The following NMNAT2 variants were observed in gnomAD, a reference collection of about 807,000 sequenced individuals.
NMNAT2 encodes nicotinamide/nicotinic acid mononucleotide adenylyltransferase 2.
In NMNAT2, 11 loss-of-function variants were observed where a neutral mutation model predicts 41.6. That is an observed-to-expected ratio of 0.26 (90% CI 0.17 to 0.44). The LOEUF is 0.44. Ranked by LOEUF, NMNAT2 falls within the 20% of genes least tolerant of loss-of-function variation. The pLI, the probability that NMNAT2 is intolerant of heterozygous loss-of-function variation, is 1.00. For missense variants in NMNAT2, 288 were observed against 407.7 expected, an observed-to-expected ratio of 0.71 and a Z score of 2.53; for synonymous variants, 148 against 151.2, an observed-to-expected ratio of 0.98 and a Z score of 0.16.
intron 1 of NMNAT2, among the ~76,000 whole-genome samples, chr1:183,379,357 T>G (rs1663753602): frequency 1.3e-5 from 2 of 151,990 alleles, no homozygotes; most frequent in South Asian, 4.2e-4. Context: ...ATTATTTTGT[T>G]TTTTGTAGAG....
intron 10 of NMNAT2, among the ~76,000 whole-genome samples, chr1:183,253,268 ATAT>A (rs1301402188): frequency 1.4e-5 from 2 of 147,828 alleles, no homozygotes; most frequent in Non-Finnish European, 3.0e-5. Context: ...ATATTATACT[ATAT>A]TATATTATTT....
At chr1:183,259,594 C>A (rs1449599713) in intron 10 of NMNAT2, among the ~76,000 whole-genome samples, 2 of 152,076 alleles carry the variant, frequency 1.3e-5, no homozygotes, top group Non-Finnish European at 2.9e-5. Flanking sequence ...CTTGTCCACA[C>A]CTATAATTTT....
intron 1 of NMNAT2, 92 bp downstream of exon 1, chr1:183,418,091 C>T: frequency 1.6e-6 from 2 of 1,236,950 alleles, no homozygotes; most frequent in East Asian, 2.3e-5. Context: ...CGAAGGGGCA[C>T]ACGCCTTCCC....
intron 1 of NMNAT2, among the ~76,000 whole-genome samples, chr1:183,367,420 T>C (rs971248811): frequency 2.6e-5 from 4 of 152,196 alleles, no homozygotes; most frequent in African/African-American, 9.7e-5. Context: ...ATCGTGCCAT[T>C]GTACTCCAGC....
At chr1:183,366,842 T>C (rs753240666) in intron 1 of NMNAT2, among the ~76,000 whole-genome samples, 3 of 152,130 alleles carry the variant, frequency 2.0e-5, no homozygotes, top group Non-Finnish European at 2.9e-5. Context: ...TGCATGCTAT[T>C]ACTCAAAATA....
At chr1:183,313,098 A>G (rs1328004442) in intron 1 of NMNAT2, among the ~76,000 whole-genome samples, 1 of 123,638 alleles carries the variant, frequency 8.1e-6, no homozygotes, top group Non-Finnish European at 1.7e-5. Context: ...CCCAGCCCCC[A>G]TCCCCTCCTC....
chr1:183,389,814 A>AGGGAGGGAGGG (rs1557897688), intron 1 of NMNAT2, among the ~76,000 whole-genome samples: 7 of 84,730 alleles, frequency 8.3e-5, no homozygotes, highest in Non-Finnish European at 1.3e-4. Context: ...GAAAGAAAGA[A>AGGGAGGGAGGG]AGAAAGAAAG....
chr1:183,392,783 C>A (rs1204145443), intron 1 of NMNAT2, among the ~76,000 whole-genome samples: 1 of 152,214 alleles, frequency 6.6e-6, no homozygotes, highest in Non-Finnish European at 1.5e-5. Context: ...CTAAATCCTT[C>A]ATCTCCTTCA....
intron 8 of NMNAT2, among the ~76,000 whole-genome samples, chr1:183,272,013 A>G (rs960599582): frequency 6.6e-5 from 10 of 152,206 alleles, no homozygotes; most frequent in Admixed American, 5.2e-4. Context: ...TCAGCTTCCC[A>G]AAATGCTGGG....
intron 8 of NMNAT2, among the ~76,000 whole-genome samples, chr1:183,277,008 C>G (rs1356158739): frequency 2.0e-5 from 3 of 152,130 alleles, no homozygotes; most frequent in African/African-American, 7.2e-5. Context: ...CCTTACATAG[C>G]TTTGTGTGTA....
At chr1:183,398,977 C>T (rs563632523) in intron 1 of NMNAT2, among the ~76,000 whole-genome samples, 1 of 152,238 alleles carries the variant, frequency 6.6e-6, no homozygotes, top group South Asian at 2.1e-4. Flanking sequence ...CTAAAATTGA[C>T]AACCTAACAT....
intron 1 of NMNAT2, among the ~76,000 whole-genome samples, chr1:183,332,484 ACATAGACTGGAAC>A (rs1662605391): frequency 6.6e-6 from 1 of 152,236 alleles, no homozygotes; most frequent in South Asian, 2.1e-4. Flanking sequence ...GTACTCAGTC[ACATAGACTGGAAC>A]CAAAGAGAGG....
chr1:183,278,314 T>C (rs1321089692), intron 8 of NMNAT2, among the ~76,000 whole-genome samples: 1 of 152,164 alleles, frequency 6.6e-6, no homozygotes, highest in Non-Finnish European at 1.5e-5. Flanking sequence ...CTAGATACTG[T>C]ATGACTCAGC....
At chr1:183,360,386 C>T (rs1189163507) in intron 1 of NMNAT2, among the ~76,000 whole-genome samples, 2 of 152,100 alleles carry the variant, frequency 1.3e-5, no homozygotes, top group Non-Finnish European at 2.9e-5. Flanking sequence ...CATTCCTCAC[C>T]GAGAAAGATA....
chr1:183,388,112 T>G (rs1387706395), intron 1 of NMNAT2, among the ~76,000 whole-genome samples: 1 of 152,180 alleles, frequency 6.6e-6, no homozygotes, highest in Non-Finnish European at 1.5e-5. Context: ...ATAAAGAAAC[T>G]ACAGCCCAGG....
At chr1:183,321,485 A>G (rs1341343015) in intron 1 of NMNAT2, among the ~76,000 whole-genome samples, 2 of 152,332 alleles carry the variant, frequency 1.3e-5, no homozygotes, top group East Asian at 3.9e-4. Context: ...TCACACCTGT[A>G]ATCCCAGCAC....
intron 1 of NMNAT2, among the ~76,000 whole-genome samples, chr1:183,338,149 TAA>T (rs59064477): frequency 8.3e-5 from 8 of 96,404 alleles, no homozygotes; most frequent in South Asian, 4.3e-4. Context: ...CCCATCTCTT[TAA>T]AAAAAAAAAA....
intron 7 of NMNAT2, among the ~76,000 whole-genome samples, chr1:183,280,106 C>T (rs1383596897): frequency 3.3e-5 from 5 of 152,170 alleles, no homozygotes; most frequent in Admixed American, 6.5e-5. Flanking sequence ...CTCTGCGTTG[C>T]GCCATAGGAT....
At chr1:183,319,110 G>A (rs1298700549) in intron 1 of NMNAT2, among the ~76,000 whole-genome samples, 1 of 152,146 alleles carries the variant, frequency 6.6e-6, no homozygotes, top group Non-Finnish European at 1.5e-5. Context: ...TGCAGCAGAA[G>A]CTATGCTGAA....
Sources: gnomAD v4.1 joint callset for allele counts (sites outside exome capture counted in the v4.1 genomes callset) on GRCh38, gnomAD v4.1.1 for gene constraint, MANE v1.5 for transcripts, NCBI Gene and HGNC (gene_info 2026-07-23, HGNC 2026-07-21) for gene names.